Variants in SAMD4A observed in about 807,000 individuals in gnomAD.
The protein encoded by SAMD4A is protein Smaug homolog 1.
A neutral mutation model predicts 81.3 loss-of-function variants in SAMD4A; 33 were observed. The observed-to-expected ratio is 0.41, with a 90% CI of 0.31 to 0.54. The LOEUF (loss-of-function observed/expected upper bound fraction) is 0.54. SAMD4A is among the 20% of genes least tolerant of loss of function. SAMD4A has a pLI of 0.37. For missense variants in SAMD4A, 854 were observed against 951.1 expected (o/e 0.90, Z 1.34); for synonymous variants, 389 against 382.1 (o/e 1.02, Z -0.21).
At chr14:54,667,989 C>G (rs2035791685) in intron 2 of SAMD4A, among the ~76,000 whole-genome samples, 2 of 152,172 alleles carry the variant, frequency 1.3e-5, no homozygotes, top group African/African-American at 4.8e-5. Flanking sequence ...TCCAGCTGTT[C>G]TCTCCACCCC....
chr14:54,761,068 C>T (rs1355940366), intron 7 of SAMD4A, among the ~76,000 whole-genome samples: 14 of 152,190 alleles, frequency 9.2e-5, no homozygotes, highest in African/African-American at 1.2e-4. Flanking sequence ...CCCGTGTCTG[C>T]GTTTATATTC....
chr14:54,668,426 A>G (rs1162759341), intron 2 of SAMD4A, among the ~76,000 whole-genome samples: 2 of 152,096 alleles, frequency 1.3e-5, no homozygotes, highest in East Asian at 3.9e-4. Flanking sequence ...CTTATTTTCT[A>G]TTTGTCAAGA....
intron 3 of SAMD4A, among the ~76,000 whole-genome samples, chr14:54,708,905 A>C (rs1219181724): frequency 1.3e-5 from 2 of 152,196 alleles, no homozygotes; most frequent in Non-Finnish European, 2.9e-5. Context: ...AACTGGCCAC[A>C]TGCTAGATTT....
At chr14:54,632,175 A>G (rs553766780) in intron 2 of SAMD4A, among the ~76,000 whole-genome samples, 2 of 152,356 alleles carry the variant, frequency 1.3e-5, no homozygotes, top group South Asian at 4.1e-4. Context: ...TAGTAGAGTC[A>G]AGATGAACAT....
chr14:54,598,853 C>T (rs2140214303), intron 2 of SAMD4A, among the ~76,000 whole-genome samples: 1 of 152,088 alleles, frequency 6.6e-6, no homozygotes, highest in African/African-American at 2.4e-5. Flanking sequence ...CAGGGTCTCA[C>T]TCTGTCGCCC....
At chr14:54,578,698 C>T (rs576003135) in intron 2 of SAMD4A, among the ~76,000 whole-genome samples, 5 of 151,676 alleles carry the variant, frequency 3.3e-5, no homozygotes, top group African/African-American at 9.7e-5. Flanking sequence ...GGTGACAGAG[C>T]GAGACTCCAT....
At chr14:54,680,349 G>C (rs2036099294) in intron 2 of SAMD4A, among the ~76,000 whole-genome samples, 1 of 152,190 alleles carries the variant, frequency 6.6e-6, no homozygotes, top group Non-Finnish European at 1.5e-5. Flanking sequence ...TAACACATCT[G>C]CAGTGGAGTT....
At chr14:54,689,612 T>G (rs951229171) in intron 2 of SAMD4A, 3 of 152,218 alleles carry the variant, frequency 2.0e-5, no homozygotes, top group Non-Finnish European at 2.9e-5. Context: ...ATTATCATTC[T>G]GTTTTCCCCA....
intron 2 of SAMD4A, among the ~76,000 whole-genome samples, chr14:54,619,645 C>T (rs1194637982): frequency 6.6e-6 from 1 of 152,134 alleles, no homozygotes; most frequent in Non-Finnish European, 1.5e-5. Context: ...TCCTCCCACC[C>T]TCTCCACTCT....
At chr14:54,771,810 C>T (rs1253302004) in intron 9 of SAMD4A, among the ~76,000 whole-genome samples, 1 of 152,194 alleles carries the variant, frequency 6.6e-6, no homozygotes, top group African/African-American at 2.4e-5. Context: ...TTTGCTGCTC[C>T]TCCCAAAGTC....
intron 2 of SAMD4A, among the ~76,000 whole-genome samples, chr14:54,607,631 T>C (rs1727779010): frequency 6.6e-6 from 1 of 151,686 alleles, no homozygotes; most frequent in Non-Finnish European, 1.5e-5. Context: ...AATTTTTCTA[T>C]TTTTAGTAGA....
chr14:54,594,103 T>G (rs1187599), intron 2 of SAMD4A, among the ~76,000 whole-genome samples: 71,356 of 151,956 alleles, frequency 0.47, 17,079 homozygotes, highest in African/African-American at 0.57. Flanking sequence ...AAGTACATTT[T>G]CATAAATTTA....
At chr14:54,615,248 C>T (rs574090517) in intron 2 of SAMD4A, among the ~76,000 whole-genome samples, 4 of 152,200 alleles carry the variant, frequency 2.6e-5, no homozygotes, top group Non-Finnish European at 4.4e-5. Context: ...CACAGCAAAC[C>T]TCTTAAAGTA....
chr14:54,744,985 G>C (rs961519951), intron 4 of SAMD4A, among the ~76,000 whole-genome samples: 2 of 152,054 alleles, frequency 1.3e-5, no homozygotes, highest in African/African-American at 4.8e-5. Flanking sequence ...TGAATCAAAG[G>C]AGTCATCTCC....
chr14:54,640,800 A>C (rs534241633), intron 2 of SAMD4A, among the ~76,000 whole-genome samples: 2 of 152,144 alleles, frequency 1.3e-5, no homozygotes, highest in Non-Finnish European at 1.5e-5. Context: ...GGCCGTGGGG[A>C]GAGAGAATGC....
intron 2 of SAMD4A, among the ~76,000 whole-genome samples, chr14:54,617,419 G>T (rs1258229424): frequency 6.6e-5 from 10 of 151,768 alleles, no homozygotes; most frequent in African/African-American, 2.4e-4. Flanking sequence ...AAAGTTCAGG[G>T]TAGGTTTGCT....
chr14:54,629,480 C>T (rs190876774), intron 2 of SAMD4A, among the ~76,000 whole-genome samples: 3 of 152,286 alleles, frequency 2.0e-5, no homozygotes, highest in Admixed American at 6.5e-5. Flanking sequence ...ATGAATATTT[C>T]GTTTTATCTG....
chr14:54,671,812 C>T lies in SAMD4A; in HGVS notation c.197-30250C>T, dbSNP rs117876909. On this transcript the variant is annotated intron_variant, in intron 2 of 12. Coordinates refer to ENST00000554335, the MANE Select transcript of SAMD4A (RefSeq NM_015589.6). ...CAAAGCTTGGATTATCAGGGCTCAA[C>T]GCATAGGCCTGAATTGACACCTCAG... Among the ~76,000 whole-genome samples the T allele has an allele frequency of 6.9e-3, 1,049 of 152,248 alleles. 10 individuals are homozygous for T. In the Middle Eastern group the frequency reaches 0.075, roughly 11 times the overall value.
chr14:54,771,176 ATTAATT>A (rs2038695055), intron 9 of SAMD4A, among the ~76,000 whole-genome samples: 2 of 152,210 alleles, frequency 1.3e-5, no homozygotes, highest in African/African-American at 4.8e-5. Flanking sequence ...TTCATGAAAG[ATTAATT>A]TTAACACTGA....
Sources: allele counts gnomAD v4.1 joint callset (sites outside exome capture counted in the v4.1 genomes callset), GRCh38; gene constraint gnomAD v4.1.1; transcripts MANE v1.5; gene names NCBI Gene and HGNC (gene_info 2026-07-23, HGNC 2026-07-21).